Variants in NAP1L3 observed in about 807,000 individuals in gnomAD.
NAP1L3 encodes nucleosome assembly protein 1-like 3.
For synonymous variants in NAP1L3, 127 were observed against 131.9 expected (o/e 0.96, Z 0.25); for missense variants, 378 against 369.9 (o/e 1.02, Z -0.18).
Position 93,671,975 on chromosome X carries a change from T to C in NAP1L3, c.1330A>G (p.Ser444Gly). 2.5e-6 allele frequency: 3 copies of C among 1,207,786 alleles called. No individual in the cohort carries two copies. The highest frequency in any genetic ancestry group is 3.4e-6 in the Non-Finnish European group (3 of 893,246). Residue 444 changes from serine (S) to glycine (G), a missense_variant, in exon 1 of 1, where the codon AGT (serine) becomes GGT (glycine). By Grantham distance (56) the Ser-to-Gly change is moderately conservative (BLOSUM62 0). Coordinates refer to ENST00000373079, the MANE Select transcript of NAP1L3 (RefSeq NM_004538.6). Reference protein sequence around the residue: ...VPNASFFNFFSPPEIPMIGKL... With the variant: ...VPNASFFNFFGPPEIPMIGKL... ...CCAATCATAGGAATCTCAGGAGGAC[T>C]AAAGAAGTTGAAGAATGATGCATTA...
Position 93,672,777 on chromosome X carries a change from C to T in NAP1L3, c.528G>A (p.Glu176=), listed in dbSNP as rs1212003918. ...SEDEEFSSDE[E]VQDNTPSEMP... is the part of the protein sequence containing the mutation. ...TTTCACTAGGGGTGTTATCCTGCAC[C>T]TCCTCATCACTGCTGAACTCCTCAT... Residue 176 remains glutamate (E), a synonymous_variant, in exon 1 of 1, where the codon GAG becomes GAA. Transcript: ENST00000373079. 8.3e-7 allele frequency: 1 copy of T among 1,208,788 alleles called. No homozygotes were observed. Among genetic ancestry groups the T allele is most frequent in the African/African-American group, 1.8e-5 (1 of 56,812 alleles).
chrX:93,673,563 C>T lies in NAP1L3; in HGVS notation c.-259G>A. The T allele has an allele frequency of 2.7e-6, 1 of 368,860 alleles. No individual in the cohort carries two copies. The highest frequency in any genetic ancestry group is 4.7e-6 in the Non-Finnish European group (1 of 211,525). The allele number at this position is 368,860 out of a possible 1,213,427, so 30.4% of individuals were successfully genotyped here. ...GCTAGAGTGCCGAGATGTACCGCAGCCGAATGGCGCAGTATGAGACCCCGA... is the reference window on the plus strand; with the variant it reads ...GCTAGAGTGCCGAGATGTACCGCAGTCGAATGGCGCAGTATGAGACCCCGA... On this transcript the variant is annotated 5_prime_UTR_variant, in exon 1 of 1. Coordinates refer to ENST00000373079, the MANE Select transcript of NAP1L3 (RefSeq NM_004538.6).
chrX:93,672,783 A>G lies in NAP1L3; in HGVS notation c.522T>C (p.Asp174=), dbSNP rs1466400162. The change falls in exon 1 of 1, where the codon GAT becomes GAC. Residue 174 remains aspartate (D), a synonymous_variant. Coordinates refer to ENST00000373079, the MANE Select transcript of NAP1L3 (RefSeq NM_004538.6). Reference sequence around the variant, plus strand: ...TAGGGGTGTTATCCTGCACCTCCTCATCACTGCTGAACTCCTCATCCTCTG... The same window carrying G: ...TAGGGGTGTTATCCTGCACCTCCTCGTCACTGCTGAACTCCTCATCCTCTG... ...WNSEDEEFSS[D]EEVQDNTPSE... The G allele has an allele frequency of 8.3e-7, 1 of 1,211,121 alleles. No homozygotes were observed. Among genetic ancestry groups the G allele is most frequent in the Non-Finnish European group, 1.1e-6 (1 of 895,458 alleles).
rs2147562300 is a variant in NAP1L3, at chrX:93,673,429, A to G, written c.-125T>C. On this transcript the variant is annotated 5_prime_UTR_variant, in exon 1 of 1. Coordinates refer to ENST00000373079, the MANE Select transcript of NAP1L3 (RefSeq NM_004538.6). ...CGGAGGTGGCAGCGGCGATGGCAGC[A>G]GCGGCGCAGAGCGGAGCTGGAGCTG... The G allele has an allele frequency of 2.9e-6, 3 of 1,033,656 alleles. No homozygotes were observed. Among genetic ancestry groups the G allele is most frequent in the South Asian group, 5.1e-5 (2 of 39,273 alleles). 85.2% of individuals were successfully genotyped at this position (1,033,656 alleles called of 1,213,427 possible).
rs765046186 is a variant in NAP1L3 at position 93,672,937 on chromosome X, G to T, written c.368C>A (p.Thr123Asn). The change falls in exon 1 of 1, where the codon ACC (threonine) becomes AAC (asparagine). Residue 123 changes from threonine (T) to asparagine (N), a missense_variant. Physicochemically the swap from Thr to Asn is moderately conservative, Grantham distance 65. Coordinates refer to ENST00000373079, the MANE Select transcript of NAP1L3 (RefSeq NM_004538.6). ...ATCATGAATTGCTTTTAAGAACAGG[G>T]TATCTACCTTGTCACATTCATCTTG... is the stretch of plus-strand genomic sequence containing the variant. ...NIQDECDKVD[T>N]LFLKAIHDLE... The T allele has an allele frequency of 6.6e-6, 8 of 1,210,219 alleles. No homozygotes were observed. In the Admixed American group the frequency reaches 1.3e-4, roughly 20 times the overall value.
rs1183852896 is a variant in NAP1L3, at chrX:93,673,500, G to A, written c.-196C>T. 4 of 646,010 alleles carry A rather than the reference G, an allele frequency of 6.2e-6. No individual in the cohort carries two copies. The highest frequency in any genetic ancestry group is 8.9e-6 in the Non-Finnish European group (4 of 448,065). 53.2% of individuals were successfully genotyped at this position (646,010 alleles called of 1,213,427 possible). ...GAGGTGGCAGCGGCAGTGGAGGCTTGGGCGACAGCGGTGGCGGCAAGGCCT... is the reference window on the plus strand; with the variant it reads ...GAGGTGGCAGCGGCAGTGGAGGCTTAGGCGACAGCGGTGGCGGCAAGGCCT... On this transcript the variant is annotated 5_prime_UTR_variant, in exon 1 of 1. Coordinates refer to ENST00000373079, the MANE Select transcript of NAP1L3 (RefSeq NM_004538.6).
chrX:93,671,471 T>C lies in NAP1L3; in HGVS notation c.*313A>G, dbSNP rs1377897042. ...TTCTGACAGTTTCACAGCTACAGTC[T>C]AACAGAAACATGACCAAAGGACATC... is the stretch of plus-strand genomic sequence containing the variant. On this transcript the variant is annotated 3_prime_UTR_variant, in exon 1 of 1. Transcript: ENST00000373079. 5.7e-6 allele frequency: 1 copy of C among 174,382 alleles called. No homozygotes were observed. Among genetic ancestry groups the C allele is most frequent in the Non-Finnish European group, 1.1e-5 (1 of 94,294 alleles). 14.4% of individuals were successfully genotyped at this position (174,382 alleles called of 1,213,427 possible).
Position 93,672,831 on chromosome X carries a change from T to C in NAP1L3, c.474A>G (p.Thr158=), listed in dbSNP as rs777811925. Residue 158 remains threonine, a synonymous_variant, in exon 1 of 1, where the codon ACA becomes ACG. Coordinates refer to ENST00000373079, the MANE Select transcript of NAP1L3 (RefSeq NM_004538.6). ...CTGAATTCCATTCACATTCTTCTTC[T>C]GTAGGCTCGTATTCTGCATTGATGA... ...FQIINAEYEP[T]EEECEWNSED... 8.3e-7 allele frequency: 1 copy of C among 1,211,716 alleles called. No homozygotes were observed. Among genetic ancestry groups the C allele is most frequent in the South Asian group, 1.8e-5 (1 of 56,963 alleles).
At position 93,671,591 on chromosome X, in the gene NAP1L3, GATAGA is replaced by G; in HGVS notation, c.*188_*192del. On this transcript the variant is annotated 3_prime_UTR_variant, in exon 1 of 1. Coordinates refer to ENST00000373079, the MANE Select transcript of NAP1L3 (RefSeq NM_004538.6). ...AAGAATATTATACTACAACAGCCTA[GATAGA>G]ATAAACTGGCACTTAGACACTTTTT... The G allele has an allele frequency of 1.8e-6, 1 of 567,574 alleles. No individual in the cohort carries two copies. The allele number at this position is 567,574 out of a possible 1,213,427, so 46.8% of individuals were successfully genotyped here. A position where few individuals can be genotyped will look rare whatever the true frequency, so the allele number is the denominator to read the frequency against.
Position 93,672,195 on chromosome X carries a change from A to C in NAP1L3, c.1110T>G (p.Asn370Lys). ...TTATATATGTCTTCACCAGCACCTC[A>C]TTTCTGAAGTATGGGTTGGGTAGAA... ...FHFLPNPYFR[N>K]EVLVKTYIIK... is the part of the protein sequence containing the mutation. Residue 370 changes from asparagine (N) to lysine (K), a missense_variant, in exon 1 of 1, where the codon AAT (asparagine) becomes AAG (lysine). By Grantham distance (94) the Asn-to-Lys change is moderately conservative (BLOSUM62 0). Transcript: ENST00000373079. 8.3e-7 allele frequency: 1 copy of C among 1,211,587 alleles called. No individual in the cohort carries two copies. Among genetic ancestry groups the C allele is most frequent in the Non-Finnish European group, 1.1e-6 (1 of 895,494 alleles).
In NAP1L3 at chrX:93,672,683, C is replaced by A. The variant is rs1569341389; in HGVS notation, c.622G>T (p.Glu208Ter). The change falls in exon 1 of 1, where the codon GAA becomes TAA. Residue 208 changes from glutamate (E) to a stop codon, truncating the protein, a stop_gained. Coordinates refer to ENST00000373079, the MANE Select transcript of NAP1L3 (RefSeq NM_004538.6). LOFTEE classifies it low-confidence loss of function (END_TRUNC). ...ENPEVKAEEK[E>*]VPKEIPEVKD... ...ACCTCAGGAATTTCTTTAGGAACTT[C>A]CTTCTCTTCAGCTTTCACCTCTGGG... 1 of 1,211,132 alleles carries A rather than the reference C, an allele frequency of 8.3e-7. No individual in the cohort carries two copies.
In NAP1L3 at chrX:93,672,405, C is replaced by A; in HGVS notation, c.900G>T (p.Lys300Asn). The change falls in exon 1 of 1, where the codon AAG becomes AAT. Residue 300 changes from lysine to asparagine, a missense_variant. Physicochemically the swap from Lys to Asn is moderately conservative, Grantham distance 94. Coordinates refer to ENST00000373079, the MANE Select transcript of NAP1L3 (RefSeq NM_004538.6). ...QDSVDLKRAR[K>N]GKPKREDPKG... ...TAGGGTCTTCTCTTTTAGGCTTTCC[C>A]TTCCTAGCTCTTTTAAGATCTACAC... The A allele has an allele frequency of 9.1e-7, 1 of 1,098,982 alleles. No homozygotes were observed. The highest frequency in any genetic ancestry group is 1.2e-6 in the Non-Finnish European group (1 of 833,364). 90.6% of individuals were successfully genotyped at this position (1,098,982 alleles called of 1,213,427 possible).
chrX:93,673,266 G>T lies in NAP1L3; in HGVS notation c.39C>A (p.Val13=), dbSNP rs1440200554. Residue 13 remains valine, a synonymous_variant, in exon 1 of 1, where the codon GTC becomes GTA. Coordinates refer to ENST00000373079, the MANE Select transcript of NAP1L3 (RefSeq NM_004538.6). The part of the protein sequence containing the change: ...EADFKMVSEP[V]AHGVAEEEMA... ...TCTCCTCTTCGGCAACCCCATGGGC[G>T]ACAGGTTCCGAGACCATTTTAAAAT... 8.3e-7 allele frequency: 1 copy of T among 1,200,788 alleles called. No homozygotes were observed.
rs1696685430 is a variant in NAP1L3 at position 93,671,565 on chromosome X, G to T, written c.*219C>A. The T allele has an allele frequency of 2.4e-6, 1 of 422,779 alleles. No individual in the cohort carries two copies. Among genetic ancestry groups the T allele is most frequent in the African/African-American group, 2.5e-5 (1 of 40,418 alleles). The allele number at this position is 422,779 out of a possible 1,213,427, so 34.8% of individuals were successfully genotyped here. ...TAATTGACAACAGCTTACATATTTT[G>T]AAGAATATTATACTACAACAGCCTA... is the stretch of plus-strand genomic sequence containing the variant. On this transcript the variant is annotated 3_prime_UTR_variant, in exon 1 of 1. Coordinates refer to ENST00000373079, the MANE Select transcript of NAP1L3 (RefSeq NM_004538.6).
chrX:93,673,226 T>C lies in NAP1L3; in HGVS notation c.79A>G (p.Ser27Gly). 1 of 1,210,487 alleles carries C rather than the reference T, an allele frequency of 8.3e-7. No homozygotes were observed. Among genetic ancestry groups the C allele is most frequent in the Non-Finnish European group, 1.1e-6 (1 of 894,581 alleles). Residue 27 changes from serine to glycine, a missense_variant, in exon 1 of 1, where the codon AGT becomes GGT. Ser to Gly is a moderately conservative substitution (Grantham distance 56, BLOSUM62 0). Coordinates refer to ENST00000373079, the MANE Select transcript of NAP1L3 (RefSeq NM_004538.6). Reference sequence around the variant, plus strand: ...CTGTCAGATTCTTCCCCAGAATCACTAGTCGAGCTAGCCATCTCCTCTTCG... The same window carrying C: ...CTGTCAGATTCTTCCCCAGAATCACCAGTCGAGCTAGCCATCTCCTCTTCG... ...VAEEEMASST[S>G]DSGEESDSSS...
chrX:93,671,783 C>T lies in NAP1L3; in HGVS notation c.*1G>A, dbSNP rs757641768. The stretch of plus-strand genomic sequence containing the variant: ...ATTCTTGAAAAATCTTTCAGATTGA[C>T]TTATTTTCTGTATTTCTTGTTTCCA... On this transcript the variant is annotated 3_prime_UTR_variant, in exon 1 of 1. Transcript: ENST00000373079. The T allele has an allele frequency of 8.4e-7, 1 of 1,185,233 alleles. No homozygotes were observed. Among genetic ancestry groups the T allele is most frequent in the East Asian group, 3.0e-5 (1 of 33,555 alleles).
rs1602774311 is a variant in NAP1L3, at chrX:93,673,309, C to A, written c.-5G>T. 1 of 1,180,166 alleles carries A rather than the reference C, an allele frequency of 8.5e-7. No homozygotes were observed. The highest frequency in any genetic ancestry group is 1.1e-6 in the Non-Finnish European group (1 of 877,955). ...TTTAAAATCTGCTTCTGCCATCTTG[C>A]AAGCCTACAAACTCTACCAGGGAGA... On this transcript the variant is annotated 5_prime_UTR_variant, in exon 1 of 1. Coordinates refer to ENST00000373079, the MANE Select transcript of NAP1L3 (RefSeq NM_004538.6).
rs146057748 is a variant in NAP1L3 at position 93,672,379 on chromosome X, T to C, written c.926A>G (p.Lys309Arg). The C allele has an allele frequency of 3.4e-3, 4,068 of 1,209,038 alleles. 5 individuals carry two copies. The highest frequency in any genetic ancestry group is 6.2e-3 in the Middle Eastern group (27 of 4,351). ...AATCAGCCAATAGTCAGGAATGCCT[T>C]TAGGGTCTTCTCTTTTAGGCTTTCC... ...RKGKPKREDP[K>R]GIPDYWLIVL... The change falls in exon 1 of 1, where the codon AAA (lysine) becomes AGA (arginine). Residue 309 changes from lysine (K) to arginine (R), a missense_variant. By Grantham distance (26) the Lys-to-Arg change is conservative. Coordinates refer to ENST00000373079, the MANE Select transcript of NAP1L3 (RefSeq NM_004538.6).
chrX:93,671,882 T>C lies in NAP1L3; in HGVS notation c.1423A>G (p.Asn475Asp). 8.3e-7 allele frequency: 1 copy of C among 1,211,128 alleles called. No individual in the cohort carries two copies. Among genetic ancestry groups the C allele is most frequent in the Non-Finnish European group, 1.1e-6 (1 of 895,132 alleles). ...TAATAGATTGATTTCAGGATGACAT[T>C]ATCATGTAAAATCTGCCCAATTTCA... Reference protein sequence around the residue: ...DFEIGQILHDNVILKSIYYYT... With the variant: ...DFEIGQILHDDVILKSIYYYT... The change falls in exon 1 of 1, where the codon AAT (asparagine) becomes GAT (aspartate). Residue 475 changes from asparagine (N) to aspartate (D), a missense_variant. Physicochemically the swap from Asn to Asp is conservative, Grantham distance 23. Transcript: ENST00000373079.
Sources: gnomAD v4.1 joint callset for allele counts on GRCh38, gnomAD v4.1.1 for gene constraint, MANE v1.5 for transcripts, NCBI Gene and HGNC (gene_info 2026-07-23, HGNC 2026-07-21) for gene names.